The following CLNK variants were observed in gnomAD, a reference collection of about 807,000 sequenced individuals.
CLNK encodes cytokine-dependent hematopoietic cell linker.
CLNK carries 74 observed loss-of-function variants against 68.6 expected under a neutral mutation model. That is an observed-to-expected ratio of 1.08 (90% CI 0.89 to 1.31). The LOEUF (loss-of-function observed/expected upper bound fraction) is 1.31. Ranked by LOEUF, CLNK falls within the 50% of genes most tolerant of loss-of-function variation. The pLI is 0.00. For synonymous variants in CLNK, 198 were observed against 172.2 expected, an observed-to-expected ratio of 1.15 and a Z score of -1.17; for missense variants, 553 against 515.3, an observed-to-expected ratio of 1.07 and a Z score of -0.71.
chr4:10,667,576 G>A (rs756514474), intron 2 of CLNK, among the ~76,000 whole-genome samples: 1 of 152,040 alleles, frequency 6.6e-6, no homozygotes, highest in African/African-American at 2.4e-5. Flanking sequence ...GGTGGAAACT[G>A]TCTGGGTGCC....
chr4:10,584,799 T>C, intron 4 of CLNK, 128 bp downstream of exon 4: 2 of 971,588 alleles, frequency 2.1e-6, no homozygotes, highest in Non-Finnish European at 3.2e-6. Context: ...GGAATGGCAT[T>C]ACTAGCTAAT....
chr4:10,675,065 A>T (rs1475847993), intron 1 of CLNK, among the ~76,000 whole-genome samples: 1 of 152,204 alleles, frequency 6.6e-6, no homozygotes, highest in African/African-American at 2.4e-5. Context: ...GATGGGTTGG[A>T]TGGATGCAGC....
chr4:10,508,141 G>C lies in CLNK; in HGVS notation c.907-105C>G, dbSNP rs376321915. 492 of 803,056 alleles carry C rather than the reference G, an allele frequency of 6.1e-4. 4 individuals carry two copies. The South Asian group carries it at 7.8e-3, about 13-fold the overall frequency. 49.7% of individuals were successfully genotyped at this position (803,056 alleles called of 1,614,324 possible). A position where few individuals can be genotyped will look rare whatever the true frequency, so the allele number is the denominator to read the frequency against. On this transcript the variant is annotated intron_variant, in intron 16 of 18. Transcript: ENST00000226951. Reference sequence around the variant, plus strand: ...TTTGCTCCACCAGTGCCTAATCATAGTGTAATCTGTAGTAGATATTCAGTA... The same window carrying C: ...TTTGCTCCACCAGTGCCTAATCATACTGTAATCTGTAGTAGATATTCAGTA...
upstream of CLNK, chr4:10,685,140 T>A (rs1187249434): frequency 6.6e-6 from 1 of 152,160 alleles, no homozygotes. Flanking sequence ...AATGGCTTCC[T>A]GAGACCATCC....
the CLNK span, among the ~76,000 whole-genome samples, chr4:10,701,928 C>T: frequency 6.6e-6 from 1 of 152,168 alleles, no homozygotes; most frequent in Admixed American, 6.6e-5. Flanking sequence ...GAAGCACATT[C>T]CATGCAGAGA....
In CLNK at chr4:10,596,494, A is replaced by G. The variant is rs530403932; in HGVS notation, c.83+1484T>C. Among the ~76,000 whole-genome samples, 11 of 152,348 alleles carry G rather than the reference A, an allele frequency of 7.2e-5. No individual in the cohort carries two copies. The East Asian group carries it at 2.1e-3, about 29-fold the overall frequency. ...TTCTTCCTTATCTTATCATCATCAA[A>G]TATTGATAATTATAATTTTTACAGG... On this transcript the variant is annotated intron_variant, in intron 3 of 18. Transcript: ENST00000226951.
intron 14 of CLNK, among the ~76,000 whole-genome samples, chr4:10,525,383 C>A (rs1202338679): frequency 7.9e-5 from 12 of 152,182 alleles, no homozygotes; most frequent in Non-Finnish European, 1.8e-4. Flanking sequence ...GCTTCTTTAA[C>A]TCTTCAGTTG....
intron 11 of CLNK, among the ~76,000 whole-genome samples, chr4:10,535,837 GA>G (rs1217898201): frequency 2.0e-5 from 3 of 151,830 alleles, no homozygotes; most frequent in African/African-American, 7.3e-5. Flanking sequence ...TATTTAAGTT[GA>G]AAAAAATGAG....
chr4:10,563,564 G>T (rs1719978579), intron 7 of CLNK, among the ~76,000 whole-genome samples: 1 of 152,134 alleles, frequency 6.6e-6, no homozygotes, highest in South Asian at 2.1e-4. Context: ...AATAAAGCAG[G>T]TATATACTAA....
chr4:10,505,678 C>T (rs899215618), intron 17 of CLNK, among the ~76,000 whole-genome samples: 1 of 152,158 alleles, frequency 6.6e-6, no homozygotes, highest in Admixed American at 6.5e-5. Context: ...ATTATCACGT[C>T]CCTCCTCTGA....
chr4:10,559,002 G>A lies in CLNK; in HGVS notation c.400-550C>T, dbSNP rs1045741296. ...AACAAAAGCACTGATACCTTTTGAG[G>A]ACGGGACGACAACACGGAACACAAG... On this transcript the variant is annotated intron_variant, in intron 7 of 18. Coordinates refer to ENST00000226951, the MANE Select transcript of CLNK (RefSeq NM_052964.4). 5.9e-5 allele frequency among the ~76,000 whole-genome samples: 9 copies of A among 152,098 alleles called. No homozygotes were observed. In the East Asian group the frequency reaches 1.5e-3, roughly 26 times the overall value.
rs529176191 is a variant in CLNK at position 10,531,568 on chromosome 4, C to T, written c.630+688G>A. The T allele has an allele frequency of 2.7e-3, 929 of 338,230 alleles. 18 individuals carry two copies. Among genetic ancestry groups the T allele is most frequent in the South Asian group, 0.02 (873 of 43,650 alleles). 21.0% of individuals were successfully genotyped at this position (338,230 alleles called of 1,614,324 possible). A position where few individuals can be genotyped will look rare whatever the true frequency, so the allele number is the denominator to read the frequency against. ...TCTCCTTCCTCAGCCTCCCGAGTAG[C>T]GTGGCTGGGATTACAGGCATGCGCC... On this transcript the variant is annotated intron_variant, in intron 12 of 18. Transcript: ENST00000226951.
intron 18 of CLNK, among the ~76,000 whole-genome samples, chr4:10,498,902 G>T (rs1020534068): frequency 1.3e-5 from 2 of 152,196 alleles, no homozygotes; most frequent in African/African-American, 4.8e-5. Context: ...GCAAATGGTG[G>T]TGTGGGATAT....
chr4:10,579,151 G>A (rs149710659), intron 4 of CLNK, among the ~76,000 whole-genome samples: 1 of 152,306 alleles, frequency 6.6e-6, no homozygotes, highest in Non-Finnish European at 1.5e-5. Flanking sequence ...GGGAAAGAGG[G>A]CGTCAAGCTG....
At chr4:10,617,890 G>A (rs921867766) in intron 2 of CLNK, among the ~76,000 whole-genome samples, 1 of 151,744 alleles carries the variant, frequency 6.6e-6, no homozygotes, top group Non-Finnish European at 1.5e-5. Flanking sequence ...AGATGTGGAG[G>A]CATGTTCCTT....
chr4:10,558,320 G>A lies in CLNK; in HGVS notation c.445+87C>T. ...GATCACCTTGTGTAAGATCACCCAT[G>A]ACCACAAACAGTAATGCGAGAGGAT... On this transcript the variant is annotated intron_variant, in intron 8 of 18. Coordinates refer to ENST00000226951, the MANE Select transcript of CLNK (RefSeq NM_052964.4). 2.7e-6 allele frequency: 3 copies of A among 1,100,362 alleles called. No individual in the cohort carries two copies. In the Admixed American group the frequency reaches 5.2e-5, roughly 19 times the overall value. The allele number at this position is 1,100,362 out of a possible 1,614,324, so 68.2% of individuals were successfully genotyped here. A position where few individuals can be genotyped will look rare whatever the true frequency, so the allele number is the denominator to read the frequency against.
intron 16 of CLNK, among the ~76,000 whole-genome samples, chr4:10,508,439 G>A (rs1037158699): frequency 3.9e-5 from 6 of 152,160 alleles, no homozygotes; most frequent in East Asian, 3.8e-4. Context: ...AAAGAGGTGC[G>A]GAAGGAGCCC....
At chr4:10,594,013 G>A (rs1721288097) in intron 3 of CLNK, among the ~76,000 whole-genome samples, 1 of 152,142 alleles carries the variant, frequency 6.6e-6, no homozygotes, top group African/African-American at 2.4e-5. Flanking sequence ...TTGATCCTGT[G>A]TCCCTCCTGT....
At chr4:10,531,074 A>C (rs917036018) in intron 12 of CLNK, among the ~76,000 whole-genome samples, 20 of 152,362 alleles carry the variant, frequency 1.3e-4, no homozygotes, top group African/African-American at 4.8e-4. Flanking sequence ...CAACAAATGA[A>C]AAAGAAAGCA....
Sources: gnomAD v4.1 joint callset for allele counts (sites outside exome capture counted in the v4.1 genomes callset) on GRCh38, gnomAD v4.1.1 for gene constraint, MANE v1.5 for transcripts, NCBI Gene and HGNC (gene_info 2026-07-23, HGNC 2026-07-21) for gene names.